MED13: variants seen among roughly 807,000 people sequenced by gnomAD.
The protein encoded by MED13 is mediator of RNA polymerase II transcription subunit 13.
In MED13, 23 loss-of-function variants were observed where a neutral mutation model predicts 225.2. The ratio of observed to expected loss-of-function variants is 0.10; its 90% CI spans 0.07 to 0.14. The LOEUF (loss-of-function observed/expected upper bound fraction) is 0.14, where lower values mean the gene tolerates loss of function less well. Ranked by LOEUF, MED13 falls within the 10% of genes least tolerant of loss-of-function variation. The pLI, the probability that MED13 is intolerant of heterozygous loss-of-function variation, is 1.00. For missense variants in MED13, 2,197 were observed against 2,594.5 expected (o/e 0.85, Z 3.33); for synonymous variants, 942 against 889.2 (o/e 1.06, Z -1.06).
rs1299540625 is a variant in MED13, at chr17:61,960,932, T to C, written c.5415A>G (p.Ala1805=). The stretch of plus-strand genomic sequence containing the variant: ...GTTCTCCATATAGATCTGTGCAAGA[T>C]GCAAGAATCCACCTTTGATCATGTG... ...CLSHDQRWIL[A]SCTDLYGELL... Residue 1805 remains alanine (A), a synonymous_variant, in exon 23 of 30, where the codon GCA becomes GCG. Coordinates refer to ENST00000397786, the MANE Select transcript of MED13 (RefSeq NM_005121.3). 2 of 1,613,888 alleles carry C rather than the reference T, an allele frequency of 1.2e-6. No individual in the cohort carries two copies. Among genetic ancestry groups the C allele is most frequent in the Admixed American group, 3.3e-5 (2 of 60,022 alleles).
chr17:61,969,562 C>T (rs530169008), intron 17 of MED13, among the ~76,000 whole-genome samples: 28 of 151,968 alleles, frequency 1.8e-4, no homozygotes, highest in Non-Finnish European at 3.5e-4. Context: ...AAAAACCTTA[C>T]TAAGAGCGCA....
chr17:62,035,365 T>G (rs754536465), intron 4 of MED13, 98 bp downstream of exon 4: 3 of 1,009,830 alleles, frequency 3.0e-6, no homozygotes, highest in Non-Finnish European at 4.2e-6. Context: ...AGGCTAAAGA[T>G]CAGGGGGAAT....
chr17:61,995,393 T>A, intron 9 of MED13, 28 bp from the exon 10 acceptor site: 1 of 1,519,618 alleles, frequency 6.6e-7, no homozygotes, highest in Non-Finnish European at 8.9e-7. Flanking sequence ...AAAAAATTAA[T>A]TATCCACATA....
chr17:62,014,022 T>C (rs937292125), intron 8 of MED13, among the ~76,000 whole-genome samples: 2 of 151,550 alleles, frequency 1.3e-5, no homozygotes, highest in Non-Finnish European at 2.9e-5. Flanking sequence ...CTGGGCGACA[T>C]AGCGAGACTC....
intron 23 of MED13, among the ~76,000 whole-genome samples, chr17:61,960,009 G>C (rs1370308071): frequency 6.6e-6 from 1 of 151,832 alleles, no homozygotes; most frequent in Non-Finnish European, 1.5e-5. Context: ...TTACAAGCAG[G>C]AGCCACCACG....
At chr17:62,055,143 C>T (rs1394445209) in intron 2 of MED13, among the ~76,000 whole-genome samples, 2 of 152,124 alleles carry the variant, frequency 1.3e-5, no homozygotes, top group African/African-American at 4.8e-5. Context: ...GCCTGTAATC[C>T]CAGCACTTCA....
intron 28 of MED13, among the ~76,000 whole-genome samples, chr17:61,950,624 T>C (rs1423429025): frequency 6.6e-6 from 1 of 152,220 alleles, no homozygotes; most frequent in Non-Finnish European, 1.5e-5. Flanking sequence ...CCTGAGGTAA[T>C]CTGCCTGCCT....
chr17:61,989,064 T>C (rs1412188095), intron 11 of MED13, among the ~76,000 whole-genome samples: 1 of 150,410 alleles, frequency 6.6e-6, no homozygotes, highest in Non-Finnish European at 1.5e-5. Context: ...CAGGCTGGAG[T>C]GCAGTGGCGT....
intron 9 of MED13, among the ~76,000 whole-genome samples, chr17:62,010,043 G>GA (rs1445167489): frequency 6.6e-6 from 1 of 152,066 alleles, no homozygotes; most frequent in Non-Finnish European, 1.5e-5. Context: ...CCAGCATGGT[G>GA]AAACCCCATC....
intron 21 of MED13, among the ~76,000 whole-genome samples, chr17:61,962,184 G>A (rs1169279247): frequency 6.6e-6 from 1 of 152,194 alleles, no homozygotes; most frequent in East Asian, 1.9e-4. Context: ...TACTCAGGAG[G>A]CTGAGGCAGG....
Position 62,015,916 on chromosome 17 carries a change from A to ACACG in MED13, c.1284-4684_1284-4683insCGTG, listed in dbSNP as rs2080564402. Among the ~76,000 whole-genome samples the ACACG allele has an allele frequency of 2.5e-3, 5 of 2,026 alleles. 1 individual carries two copies. The highest frequency in any genetic ancestry group is 0.018 in the Admixed American group (2 of 110). The allele number at this position is 2,026 out of a possible 152,430, so 1.3% of individuals were successfully genotyped here. ...ACACACACACATACACACTATACAC[A>ACACG]TATATATATATATATATATATATAT... On this transcript the variant is annotated intron_variant, in intron 8 of 29. Coordinates refer to ENST00000397786, the MANE Select transcript of MED13 (RefSeq NM_005121.3).
At chr17:62,031,365 A>G in intron 6 of MED13, 79 bp downstream of exon 6, 3 of 1,218,976 alleles carry the variant, frequency 2.5e-6, no homozygotes, top group Non-Finnish European at 3.3e-6. Context: ...AAACTATTTC[A>G]AAATAAATTA....
chr17:62,026,617 C>T (rs1445715836), intron 8 of MED13, among the ~76,000 whole-genome samples: 1 of 151,924 alleles, frequency 6.6e-6, no homozygotes, highest in Non-Finnish European at 1.5e-5. Flanking sequence ...AAATAAAGGG[C>T]ATTCAAATAG....
At chr17:61,994,815 T>G (rs2080333474) in intron 10 of MED13, among the ~76,000 whole-genome samples, 1 of 152,216 alleles carries the variant, frequency 6.6e-6, no homozygotes, top group South Asian at 2.1e-4. Context: ...GTTCAAGGGA[T>G]TCTCCTGCCT....
In MED13 at chr17:61,987,528, G is replaced by A. The variant is rs569916761; in HGVS notation, c.2264-400C>T. On this transcript the variant is annotated intron_variant, in intron 11 of 29. Transcript: ENST00000397786. Reference sequence around the variant, plus strand: ...AGACATATAACTTTAAGGTCATAAGGGGATTATGCAACAAGAAATTGTACT... The same window carrying A: ...AGACATATAACTTTAAGGTCATAAGAGGATTATGCAACAAGAAATTGTACT... Among the ~76,000 whole-genome samples, 50 of 151,916 alleles carry A rather than the reference G, an allele frequency of 3.3e-4. No individual in the cohort carries two copies. The South Asian group carries it at 0.01, about 31-fold the overall frequency.
rs1433003635 is a variant in MED13 at position 61,965,007 on chromosome 17, T to C, written c.4843A>G (p.Ser1615Gly). The stretch of plus-strand genomic sequence containing the variant: ...AAAAATCAGTATTTTTAAAGGTACC[T>C]TTCAGACACATCAGGATGCGGCTGA... The part of the protein sequence containing the change: ...PTQPHPDVSE[S>G]TMDRDKVGIP... The change falls in exon 20 of 30, where the codon AGC becomes GGC. Residue 1615 changes from serine (S) to glycine (G), a missense_variant and splice_region_variant. By Grantham distance (56) the Ser-to-Gly change is moderately conservative. Coordinates refer to ENST00000397786, the MANE Select transcript of MED13 (RefSeq NM_005121.3). 6.2e-7 allele frequency: 1 copy of C among 1,613,132 alleles called. No individual in the cohort carries two copies. Among genetic ancestry groups the C allele is most frequent in the Non-Finnish European group, 8.5e-7 (1 of 1,179,316 alleles).
intron 3 of MED13, among the ~76,000 whole-genome samples, chr17:62,051,542 A>G (rs1315574328): frequency 6.6e-6 from 1 of 152,200 alleles, no homozygotes; most frequent in Non-Finnish European, 1.5e-5. Flanking sequence ...ATAAAGGTTT[A>G]CGTTAATTTT....
intron 2 of MED13, among the ~76,000 whole-genome samples, chr17:62,059,640 A>G (rs1459883340): frequency 6.6e-6 from 1 of 152,232 alleles, no homozygotes; most frequent in Non-Finnish European, 1.5e-5. Flanking sequence ...GCTTAGAAGA[A>G]GGAAATAGAG....
Position 61,984,625 on chromosome 17 carries a change from T to A in MED13, c.2691+26A>T, listed in dbSNP as rs781215334. ...CTATAAGAAAATATAGGAAGTGAAT[T>A]ATTTTTCTAGAAAAAACATACTTAC... On this transcript the variant is annotated intron_variant, in intron 14 of 29. Transcript: ENST00000397786. The A allele has an allele frequency of 2.5e-5, 39 of 1,548,070 alleles. No homozygotes were observed. The Admixed American group carries it at 3.2e-4, about 13-fold the overall frequency.
Sources: allele counts gnomAD v4.1 joint callset (sites outside exome capture counted in the v4.1 genomes callset), GRCh38; gene constraint gnomAD v4.1.1; transcripts MANE v1.5; gene names NCBI Gene and HGNC (gene_info 2026-07-23, HGNC 2026-07-21).